The following AGBL1 variants were observed in gnomAD, a reference collection of about 807,000 sequenced individuals.
The protein encoded by AGBL1 is AGBL carboxypeptidase 1.
A neutral mutation model predicts 118.9 loss-of-function variants in AGBL1; 130 were observed. That is an observed-to-expected ratio of 1.09 (90% confidence interval 0.95 to 1.26). The LOEUF is 1.26. AGBL1 is among the 50% of genes most tolerant of loss of function. The pLI, the probability that AGBL1 is intolerant of heterozygous loss-of-function variation, is 0.00. For synonymous variants in AGBL1, 555 were observed against 478.9 expected, an observed-to-expected ratio of 1.16 and a Z score of -2.08; for missense variants, 1,584 against 1,298.1, an observed-to-expected ratio of 1.22 and a Z score of -3.38.
At chr15:86,286,645 C>A (rs1490163578) in intron 16 of AGBL1, among the ~76,000 whole-genome samples, 1 of 150,050 alleles carries the variant, frequency 6.7e-6, no homozygotes, top group East Asian at 2.0e-4. Context: ...ACAGAATTTC[C>A]TGCTTTTTAA....
At position 86,398,373 on chromosome 15, in the gene AGBL1, G is replaced by A. The variant is rs185092062; in HGVS notation, c.2555+827G>A. The stretch of plus-strand genomic sequence containing the variant: ...AACTTTGTGGGCAAAGGATAAAGCC[G>A]CCCCTTGCCATGGTAATAGATGAAT... On this transcript the variant is annotated intron_variant, in intron 18 of 22. Coordinates refer to ENST00000614907, the MANE Select transcript of AGBL1 (RefSeq NM_001386094.1). 1.5e-3 allele frequency among the ~76,000 whole-genome samples: 222 copies of A among 152,122 alleles called. 3 individuals are homozygous for A. Among genetic ancestry groups the A allele is most frequent in the East Asian group, 0.013 (67 of 5,170 alleles).
chr15:86,553,093 T>C (rs1168785921), intron 20 of AGBL1, among the ~76,000 whole-genome samples: 1 of 152,214 alleles, frequency 6.6e-6, no homozygotes, highest in Non-Finnish European at 1.5e-5. Flanking sequence ...CTCATTAACT[T>C]GTTATGCTTC....
intron 19 of AGBL1, among the ~76,000 whole-genome samples, chr15:86,537,725 A>G (rs1226006190): frequency 6.6e-6 from 1 of 152,236 alleles, no homozygotes; most frequent in East Asian, 1.9e-4. Context: ...ATCACACATC[A>G]CTTTCTAATG....
chr15:86,744,938 T>C (rs935017660), intron 22 of AGBL1, among the ~76,000 whole-genome samples: 4 of 152,262 alleles, frequency 2.6e-5, no homozygotes, highest in African/African-American at 7.2e-5. Flanking sequence ...TTGGTCTTCA[T>C]CTGAAACCAT....
intron 4 of AGBL1, among the ~76,000 whole-genome samples, chr15:86,158,615 A>G (rs912928269): frequency 4.6e-5 from 7 of 152,216 alleles, no homozygotes; most frequent in African/African-American, 1.7e-4. Context: ...GTTTCTTTCT[A>G]TCATTCAGAT....
At chr15:86,187,776 G>A (rs1268955584) in intron 5 of AGBL1, among the ~76,000 whole-genome samples, 2 of 152,164 alleles carry the variant, frequency 1.3e-5, no homozygotes, top group African/African-American at 4.8e-5. Context: ...CTATCCCAAG[G>A]TGTAGCAAAT....
chr15:86,924,724 C>T (rs2080513405), intron 23 of AGBL1, among the ~76,000 whole-genome samples: 2 of 152,042 alleles, frequency 1.3e-5, no homozygotes, highest in South Asian at 4.1e-4. Context: ...TTTCCATGTG[C>T]ACGATAAGAA....
intron 22 of AGBL1, among the ~76,000 whole-genome samples, chr15:86,839,425 T>G (rs971254892): frequency 6.6e-6 from 1 of 152,238 alleles, no homozygotes. Context: ...TATTTCTTAT[T>G]GGATCCATTG....
intron 6 of AGBL1, among the ~76,000 whole-genome samples, chr15:86,242,984 G>A (rs1364314409): frequency 1.3e-5 from 2 of 152,130 alleles, no homozygotes; most frequent in Non-Finnish European, 2.9e-5. Context: ...GTGCCTTCAC[G>A]AGCTAGGCAG....
chr15:86,919,871 G>A (rs1211156346), downstream of AGBL1, among the ~76,000 whole-genome samples: 1 of 152,202 alleles, frequency 6.6e-6, no homozygotes, highest in Non-Finnish European at 1.5e-5. Flanking sequence ...CAGTGGGGCT[G>A]AAATGGGACA....
chr15:86,645,050 C>CA lies in AGBL1; in HGVS notation c.2995-29215dup, dbSNP rs201050132. On this transcript the variant is annotated intron_variant, in intron 21 of 22. Transcript: ENST00000614907. ...CAAACAAACAAACAAAAAACAAAAA[C>CA]AAAAAAAAGGAGAAGCTTTGATGAA... Among the ~76,000 whole-genome samples, 122 of 150,128 alleles carry CA rather than the reference C, an allele frequency of 8.1e-4. 1 individual carries two copies. The East Asian group carries it at 0.016, about 19-fold the overall frequency.
chr15:86,620,341 G>A (rs992184641), intron 21 of AGBL1, among the ~76,000 whole-genome samples: 1 of 152,174 alleles, frequency 6.6e-6, no homozygotes, highest in African/African-American at 2.4e-5. Context: ...AAAAGCGAAA[G>A]GTCATTTGAA....
intron 10 of AGBL1, 42 bp downstream of exon 10, chr15:86,262,936 T>C: frequency 6.8e-7 from 1 of 1,469,174 alleles, no homozygotes; most frequent in Non-Finnish European, 9.4e-7. Context: ...CGATGCATGA[T>C]GGGTTCTTTG....
chr15:86,279,168 A>T (rs1449723994), intron 15 of AGBL1, among the ~76,000 whole-genome samples: 1 of 152,258 alleles, frequency 6.6e-6, no homozygotes, highest in Non-Finnish European at 1.5e-5. Flanking sequence ...TCCATATATC[A>T]TGTGATTGCT....
At chr15:86,982,178 C>A (rs2081237746) in intron 23 of AGBL1, among the ~76,000 whole-genome samples, 1 of 152,062 alleles carries the variant, frequency 6.6e-6, no homozygotes, top group South Asian at 2.1e-4. Context: ...CTAAGAACTT[C>A]TTTATATTTA....
Position 86,283,964 on chromosome 15 carries a change from G to A in AGBL1, c.2220+4181G>A, listed in dbSNP as rs183010860. Among the ~76,000 whole-genome samples the A allele has an allele frequency of 2.9e-3, 440 of 151,832 alleles. 2 individuals are homozygous for A. The highest frequency in any genetic ancestry group is 7.9e-3 in the African/African-American group (328 of 41,436). ...AAGCTATTTAACTTCTCTTAGCCTC[G>A]GTTTTCTCATCTGTAAAATTGGAAA... On this transcript the variant is annotated intron_variant, in intron 16 of 22. Transcript: ENST00000614907.
intron 22 of AGBL1, among the ~76,000 whole-genome samples, chr15:86,726,220 T>A (rs2086816483): frequency 1.3e-5 from 2 of 152,210 alleles, no homozygotes; most frequent in Non-Finnish European, 2.9e-5. Context: ...CTCAATTACT[T>A]GGCAGAGCTG....
intron 21 of AGBL1, among the ~76,000 whole-genome samples, chr15:86,593,550 T>A (rs973429861): frequency 3.3e-5 from 5 of 152,196 alleles, no homozygotes; most frequent in Non-Finnish European, 7.3e-5. Flanking sequence ...TCATTATTTT[T>A]CTGCATGATT....
chr15:86,113,186 G>T (rs60650963), intron 1 of AGBL1, among the ~76,000 whole-genome samples: 8,403 of 142,098 alleles, frequency 0.059, 446 homozygotes, highest in African/African-American at 0.14. Context: ...GTTCAGTACC[G>T]TTCACCTCTT....
Sources: allele counts gnomAD v4.1 joint callset (sites outside exome capture counted in the v4.1 genomes callset), GRCh38; gene constraint gnomAD v4.1.1; transcripts MANE v1.5; gene names NCBI Gene and HGNC (gene_info 2026-07-23, HGNC 2026-07-21).